The following PPARD variants were observed in gnomAD, a reference collection of about 807,000 sequenced individuals.
PPARD encodes peroxisome proliferator-activated receptor delta.
A neutral mutation model predicts 39.5 loss-of-function variants in PPARD; 6 were observed. The observed-to-expected ratio is 0.15, with a 90% CI of 0.08 to 0.30. The LOEUF (loss-of-function observed/expected upper bound fraction) is 0.30. PPARD is among the 10% of genes least tolerant of loss of function. The probability of loss-of-function intolerance (pLI) is 1.00; values close to 1 mark genes in which losing one functional copy is unlikely to be tolerated. For missense variants in PPARD, 397 were observed against 596.8 expected (o/e 0.67, Z 3.49); for synonymous variants, 210 against 231.3 (o/e 0.91, Z 0.83).
rs1562229834 is a variant in PPARD, at chr6:35,425,898, A to C, written c.1145A>C (p.Glu382Ala). Reference sequence around the variant, plus strand: ...CAGGACACCATCCTGCGTGCCCTCGAATTCCACCTGCAGGCCAACCACCCT... The same window carrying C: ...CAGGACACCATCCTGCGTGCCCTCGCATTCCACCTGCAGGCCAACCACCCT... Reference protein sequence around the residue: ...AIQDTILRALEFHLQANHPDA... With the variant: ...AIQDTILRALAFHLQANHPDA... The change falls in exon 8 of 8, where the codon GAA becomes GCA. Residue 382 changes from glutamate to alanine, a missense_variant. Transcript: ENST00000360694. This position sits in a 1 kb window ranked among gnomAD's most constrained non-coding sequence, Gnocchi z 4.5. 21 of 1,614,130 alleles carry C rather than the reference A, an allele frequency of 1.3e-5. No homozygotes were observed. Among genetic ancestry groups the C allele is most frequent in the Non-Finnish European group, 1.7e-5 (20 of 1,180,026 alleles).
intron 3 of PPARD, among the ~76,000 whole-genome samples, chr6:35,414,302 G>C (rs1335236967): frequency 6.6e-6 from 1 of 152,200 alleles, no homozygotes; most frequent in African/African-American, 2.4e-5. Flanking sequence ...GAAGGACTCA[G>C]GGGCTAACTC....
At chr6:35,359,189 C>A (rs984994203) in intron 2 of PPARD, among the ~76,000 whole-genome samples, 6 of 152,142 alleles carry the variant, frequency 3.9e-5, no homozygotes, top group African/African-American at 1.4e-4. Flanking sequence ...AGGGAGGAGA[C>A]CAGGAGATGA....
In PPARD at chr6:35,426,558, C is replaced by A. The variant is rs1484877100; in HGVS notation, c.*479C>A. 5.5e-6 allele frequency: 1 copy of A among 181,010 alleles called. No individual in the cohort carries two copies. Among genetic ancestry groups the A allele is most frequent in the Non-Finnish European group, 1.2e-5 (1 of 85,412 alleles). 11.2% of individuals were successfully genotyped at this position (181,010 alleles called of 1,614,324 possible). A position where few individuals can be genotyped will look rare whatever the true frequency, so the allele number is the denominator to read the frequency against. Reference sequence around the variant, plus strand: ...TTGCACCTGCAGGCTTAGGTCCTCACTTCTGTCTCCTGTCTTCAGAGCAAA... The same window carrying A: ...TTGCACCTGCAGGCTTAGGTCCTCAATTCTGTCTCCTGTCTTCAGAGCAAA... On this transcript the variant is annotated 3_prime_UTR_variant, in exon 8 of 8. Transcript: ENST00000360694.
chr6:35,415,726 A>G (rs1171193063), intron 3 of PPARD, among the ~76,000 whole-genome samples: 2 of 150,130 alleles, frequency 1.3e-5, no homozygotes, highest in East Asian at 3.9e-4. Context: ...GTTCTAGGTT[A>G]TAATTCTTGC....
rs777478274 is a variant in PPARD at position 35,423,932 on chromosome 6, C to T, written c.425-14C>T. ...TGCCTGGGCTCCTTGCTGACTGCCC[C>T]CTTCCCTGTGCAGCTATCCGTTTTG... is the stretch of plus-strand genomic sequence containing the variant. On this transcript the variant is annotated splice_polypyrimidine_tract_variant and intron_variant, in intron 5 of 7. Transcript: ENST00000360694. The T allele has an allele frequency of 6.2e-7, 1 of 1,613,342 alleles. No individual in the cohort carries two copies. Among genetic ancestry groups the T allele is most frequent in the African/African-American group, 1.3e-5 (1 of 74,870 alleles).
intron 4 of PPARD, among the ~76,000 whole-genome samples, chr6:35,420,493 G>A (rs902122206): frequency 2.6e-5 from 4 of 152,192 alleles, no homozygotes; most frequent in African/African-American, 9.7e-5. Context: ...TACCCTGCTG[G>A]GCACCTGTGT....
intron 2 of PPARD, among the ~76,000 whole-genome samples, chr6:35,354,304 CTTT>C (rs942964699): frequency 3.2e-5 from 4 of 125,788 alleles, no homozygotes; most frequent in Non-Finnish European, 3.4e-5. Flanking sequence ...TACAACCATT[CTTT>C]TTTTTTTTTT....
At chr6:35,374,733 G>A (rs1180140980) in intron 2 of PPARD, among the ~76,000 whole-genome samples, 1 of 151,638 alleles carries the variant, frequency 6.6e-6, no homozygotes, top group Non-Finnish European at 1.5e-5. Context: ...AACTACTTAC[G>A]GGACATCTTC....
In PPARD at chr6:35,426,426, G is replaced by A. The variant is rs201314689; in HGVS notation, c.*347G>A. 1.2e-5 allele frequency: 4 copies of A among 339,346 alleles called. No homozygotes were observed. Among genetic ancestry groups the A allele is most frequent in the Admixed American group, 4.6e-5 (1 of 21,692 alleles). The allele number at this position is 339,346 out of a possible 1,614,324, so 21.0% of individuals were successfully genotyped here. ...CACGTCTGTCCTCCTTTCTTATTCT[G>A]TGAGATGTTTTGTATTATTTCACCA... is the stretch of plus-strand genomic sequence containing the variant. On this transcript the variant is annotated 3_prime_UTR_variant, in exon 8 of 8. Coordinates refer to ENST00000360694, the MANE Select transcript of PPARD (RefSeq NM_006238.5).
intron 2 of PPARD, among the ~76,000 whole-genome samples, chr6:35,399,579 G>T (rs1237066149): frequency 6.6e-6 from 1 of 152,014 alleles, no homozygotes; most frequent in Non-Finnish European, 1.5e-5. Flanking sequence ...GTTGGGTGTG[G>T]TGGCATGAAT....
chr6:35,413,196 G>T (rs1765539484), intron 3 of PPARD, among the ~76,000 whole-genome samples: 1 of 152,346 alleles, frequency 6.6e-6, no homozygotes, highest in East Asian at 1.9e-4. Flanking sequence ...TGAGGTGCCT[G>T]GGAGCAGGGG....
At chr6:35,348,258 A>T (rs2150419626) in intron 2 of PPARD, 1 of 797,504 alleles carries the variant, frequency 1.3e-6, no homozygotes, top group East Asian at 1.3e-4. Flanking sequence ...TTGGGAAATG[A>T]TAATAGTAAA....
intron 2 of PPARD, among the ~76,000 whole-genome samples, chr6:35,391,116 T>C (rs1763976952): frequency 6.6e-6 from 1 of 152,182 alleles, no homozygotes; most frequent in South Asian, 2.1e-4. Flanking sequence ...TATATTTCAT[T>C]AGCATGTAAA....
rs202146453 is a variant in PPARD at position 35,424,656 on chromosome 6, A to G, written c.955A>G (p.Ser319Gly). ...CTTTGTCACCCGTGAGTTCCTGCGC[A>G]GCCTCCGCAAACCCTTCAGTGATAT... ...SGFVTREFLR[S>G]LRKPFSDIIE... is the part of the protein sequence containing the mutation. The change falls in exon 7 of 8, where the codon AGC (serine) becomes GGC (glycine). Residue 319 changes from serine (S) to glycine (G), a missense_variant. By Grantham distance (56) the Ser-to-Gly change is moderately conservative (BLOSUM62 0). Coordinates refer to ENST00000360694, the MANE Select transcript of PPARD (RefSeq NM_006238.5). The surrounding 1 kb of genome is among the most constrained non-coding windows in gnomAD (Gnocchi z 7.1). 5 of 1,614,226 alleles carry G rather than the reference A, an allele frequency of 3.1e-6. No homozygotes were observed. The highest frequency in any genetic ancestry group is 4.2e-6 in the Non-Finnish European group (5 of 1,180,046).
chr6:35,375,209 G>GTTTT lies in PPARD; in HGVS notation c.-102+28081_-102+28084dup, dbSNP rs558275286. 4.2e-3 allele frequency among the ~76,000 whole-genome samples: 249 copies of GTTTT among 59,248 alleles called. 4 individuals carry two copies. The highest frequency in any genetic ancestry group is 0.017 in the Middle Eastern group (1 of 60). The allele number at this position is 59,248 out of a possible 152,430, so 38.9% of individuals were successfully genotyped here. On this transcript the variant is annotated intron_variant, in intron 2 of 7. Transcript: ENST00000360694. ...TTTTTGCCTATTTTTCTCCTTCCGA[G>GTTTT]TTTTTTTTTTTTTTTTTTTTTTTTT...
chr6:35,374,319 G>C (rs947424194), intron 2 of PPARD, among the ~76,000 whole-genome samples: 2 of 149,510 alleles, frequency 1.3e-5, no homozygotes, highest in African/African-American at 2.5e-5. Flanking sequence ...GGGGCGGGGG[G>C]GTTTAGTGGG....
At chr6:35,420,888 G>A (rs186853467) in intron 4 of PPARD, among the ~76,000 whole-genome samples, 283 of 145,824 alleles carry the variant, frequency 1.9e-3, no homozygotes, top group Non-Finnish European at 3.1e-3. Context: ...GTGCAGTGGC[G>A]TGATCTCAGT....
rs1762574712 is a variant in PPARD, at chr6:35,372,773, C to T, written c.-102+25623C>T. On this transcript the variant is annotated intron_variant, in intron 2 of 7. Coordinates refer to ENST00000360694, the MANE Select transcript of PPARD (RefSeq NM_006238.5). Reference sequence around the variant, plus strand: ...TGTGCTCTGGAGTTAGACCTGGGTTCAGATTCAGGCTCTATGACCCTATCT... The same window carrying T: ...TGTGCTCTGGAGTTAGACCTGGGTTTAGATTCAGGCTCTATGACCCTATCT... 2.0e-5 allele frequency among the ~76,000 whole-genome samples: 3 copies of T among 152,150 alleles called. No homozygotes were observed. In the South Asian group the frequency reaches 6.2e-4, roughly 31 times the overall value.
In PPARD at chr6:35,412,477, A is replaced by G. The variant is rs1181648390; in HGVS notation, c.130+1260A>G. 6.6e-6 allele frequency among the ~76,000 whole-genome samples: 1 copy of G among 152,208 alleles called. No individual in the cohort carries two copies. The highest frequency in any genetic ancestry group is 1.5e-5 in the Non-Finnish European group (1 of 68,030). Reference sequence around the variant, plus strand: ...ATGGGCTCTGGACCCCTGTGACTGCATGGAGCAGGAGGAGGCAGTTAGTGT... The same window carrying G: ...ATGGGCTCTGGACCCCTGTGACTGCGTGGAGCAGGAGGAGGCAGTTAGTGT... On this transcript the variant is annotated intron_variant, in intron 3 of 7. Coordinates refer to ENST00000360694, the MANE Select transcript of PPARD (RefSeq NM_006238.5). The surrounding 1 kb of genome is among the most constrained non-coding windows in gnomAD (Gnocchi z 4.1).
Sources: allele counts gnomAD v4.1 joint callset (sites outside exome capture counted in the v4.1 genomes callset), GRCh38; gene constraint gnomAD v4.1.1; non-coding constraint Gnocchi (gnomAD v3.1); transcripts MANE v1.5; gene names NCBI Gene and HGNC (gene_info 2026-07-23, HGNC 2026-07-21).